ECH1: variants seen among roughly 807,000 people sequenced by gnomAD.
The protein encoded by ECH1 is enoyl-CoA hydratase 1.
A neutral mutation model predicts 37.0 loss-of-function variants in ECH1; 30 were observed. The ratio of observed to expected loss-of-function variants is 0.81; its 90% CI spans 0.61 to 1.10. The LOEUF is 1.10. ECH1 is among the 50% of genes least tolerant of loss of function. The pLI is 0.00. For synonymous variants in ECH1, 178 were observed against 176.0 expected (o/e 1.01, Z -0.09); for missense variants, 456 against 441.6 (o/e 1.03, Z -0.29).
At position 38,816,545 on chromosome 19, in the gene ECH1, T is replaced by C. The variant is rs750608296; in HGVS notation, c.589-22A>G. The C allele has an allele frequency of 1.2e-5, 19 of 1,613,610 alleles. No homozygotes were observed. In the South Asian group the frequency reaches 2.1e-4, roughly 18 times the overall value. On this transcript the variant is annotated intron_variant, in intron 6 of 9. Transcript: ENST00000221418. ...CCTCCTGGGGGAGGAATCGGGTCAGTGTTTGGTTTCTGCCCAATACTGTGC... is the reference window on the plus strand; with the variant it reads ...CCTCCTGGGGGAGGAATCGGGTCAGCGTTTGGTTTCTGCCCAATACTGTGC...
intron 3 of ECH1, among the ~76,000 whole-genome samples, chr19:38,821,771 GCCTCCCCCCGCCGCCGT>G (rs1971666230): frequency 6.6e-6 from 1 of 152,156 alleles, no homozygotes; most frequent in Non-Finnish European, 1.5e-5. Context: ...CCATGCCCGA[GCCTCCCCCCGCCGCCGT>G]GGGCTCCTGC....
intron 3 of ECH1, among the ~76,000 whole-genome samples, chr19:38,828,240 C>CT (rs946659253): frequency 4.0e-5 from 6 of 151,886 alleles, no homozygotes; most frequent in African/African-American, 7.3e-5. Context: ...AAGCCGTTTT[C>CT]TTTTTTTTGA....
intron 3 of ECH1, chr19:38,819,362 G>A (rs1971628393): frequency 4.3e-6 from 2 of 463,044 alleles, no homozygotes; most frequent in Non-Finnish European, 5.7e-6. Context: ...ACCTCCTAGA[G>A]AGGCCCTCCC....
intron 8 of ECH1, 65 bp downstream of exon 8, chr19:38,816,219 G>A: frequency 1.3e-6 from 2 of 1,586,814 alleles, no homozygotes; most frequent in South Asian, 1.1e-5. Flanking sequence ...AGGGGACCCG[G>A]AGAGGCCTCC....
intron 3 of ECH1, chr19:38,819,190 G>T (rs1057208038): frequency 2.1e-5 from 21 of 985,302 alleles, no homozygotes; most frequent in Non-Finnish European, 1.2e-6. Context: ...CACTGCCTGA[G>T]GGCTGTGCAG....
chr19:38,816,202 G>C (rs1971572700), intron 8 of ECH1, 82 bp downstream of exon 8: 2 of 1,552,608 alleles, frequency 1.3e-6, no homozygotes, highest in Non-Finnish European at 1.7e-6. Context: ...TCTAGAGCGA[G>C]GAGACAAGGG....
chr19:38,821,572 G>C (rs149775416), intron 3 of ECH1, among the ~76,000 whole-genome samples: 3 of 152,166 alleles, frequency 2.0e-5, no homozygotes, highest in African/African-American at 7.2e-5. Flanking sequence ...GTGTGAGCTC[G>C]GCGACCCCGC....
chr19:38,823,363 C>T lies in ECH1; in HGVS notation c.350-5788G>A, dbSNP rs59983525. ...GCCAAGCGGTGAGACCACTGCCTAT[C>T]GCTGAGCGGTGAGACTATCACCTAT... On this transcript the variant is annotated intron_variant, in intron 3 of 9. Coordinates refer to ENST00000221418, the MANE Select transcript of ECH1 (RefSeq NM_001398.3). 8.5e-3 allele frequency: 1,299 copies of T among 153,388 alleles called. 39 individuals are homozygous for T. In the East Asian group the frequency reaches 0.095, roughly 11 times the overall value. The allele number at this position is 153,388 out of a possible 1,614,324, so 9.5% of individuals were successfully genotyped here.
In ECH1 at chr19:38,831,296, C is replaced by A. The variant is rs1367318652; in HGVS notation, c.260+13G>T. ...CCCCCCGCAGGCAGGCCTCCAGGAT[C>A]TGCAGGTCAGACCTCCAGAAGACCT... On this transcript the variant is annotated intron_variant, in intron 2 of 9. Transcript: ENST00000221418. 2 of 1,608,162 alleles carry A rather than the reference C, an allele frequency of 1.2e-6. No homozygotes were observed. Among genetic ancestry groups the A allele is most frequent in the South Asian group, 2.2e-5 (2 of 90,618 alleles).
intron 3 of ECH1, among the ~76,000 whole-genome samples, chr19:38,828,833 G>A (rs927066178): frequency 2.7e-5 from 4 of 150,836 alleles, no homozygotes; most frequent in African/African-American, 9.7e-5. Context: ...ATGTTAGCCA[G>A]GATGGTCTCG....
chr19:38,822,598 G>A (rs1043734171), intron 3 of ECH1, among the ~76,000 whole-genome samples: 5 of 151,922 alleles, frequency 3.3e-5, no homozygotes, highest in Non-Finnish European at 4.4e-5. Context: ...TCAGCACCCT[G>A]TGTCTAGCTC....
intron 3 of ECH1, among the ~76,000 whole-genome samples, chr19:38,829,287 A>G (rs1196844819): frequency 2.9e-5 from 1 of 34,892 alleles, no homozygotes; most frequent in Non-Finnish European, 7.1e-5. Context: ...TCCTTCTCCA[A>G]AAAAAAAAAA....
chr19:38,822,133 G>C (rs975757791), intron 3 of ECH1, among the ~76,000 whole-genome samples: 1 of 152,076 alleles, frequency 6.6e-6, no homozygotes, highest in Non-Finnish European at 1.5e-5. Flanking sequence ...TCTAGCTCAA[G>C]GTTTGTAAAT....
chr19:38,827,737 G>A (rs1333346726), intron 3 of ECH1, among the ~76,000 whole-genome samples: 1 of 152,154 alleles, frequency 6.6e-6, no homozygotes, highest in Non-Finnish European at 1.5e-5. Flanking sequence ...CACGACCACA[G>A]CTCACTGCAG....
chr19:38,819,554 G>C (rs1182982117), intron 3 of ECH1, among the ~76,000 whole-genome samples: 1 of 151,824 alleles, frequency 6.6e-6, no homozygotes, highest in Non-Finnish European at 1.5e-5. Flanking sequence ...GCATCCCCTG[G>C]GCCTAGCACA....
In ECH1 at chr19:38,816,012, A is replaced by G; in HGVS notation, c.732-5T>C. On this transcript the variant is annotated splice_polypyrimidine_tract_variant and splice_region_variant and intron_variant, in intron 8 of 9. Coordinates refer to ENST00000221418, the MANE Select transcript of ECH1 (RefSeq NM_001398.3). ...TCTTTGTCTGGGAACACCCGGCTGC[A>G]GTGAAAGAGATCAGGGACCGGGTGG... is the stretch of plus-strand genomic sequence containing the variant. The G allele has an allele frequency of 1.2e-6, 2 of 1,611,276 alleles. No homozygotes were observed. Among genetic ancestry groups the G allele is most frequent in the South Asian group, 1.1e-5 (1 of 90,990 alleles).
At chr19:38,820,696 G>A (rs962843977) in intron 3 of ECH1, among the ~76,000 whole-genome samples, 5 of 152,128 alleles carry the variant, frequency 3.3e-5, no homozygotes, top group Non-Finnish European at 7.3e-5. Flanking sequence ...ATGACCTGCC[G>A]TTTCTTCCTT....
chr19:38,819,008 T>TGTGTGTGTGTGTGCGCGC (rs371773394), intron 3 of ECH1: 20 of 324,380 alleles, frequency 6.2e-5, no homozygotes, highest in African/African-American at 4.5e-4. Context: ...TGTGTGTGTG[T>TGTGTGTGTGTGTGCGCGC]GCGGGCACGT....
At chr19:38,820,052 A>AAAT in intron 3 of ECH1, 3 of 215,298 alleles carry the variant, frequency 1.4e-5, no homozygotes, top group Non-Finnish European at 1.9e-5. Flanking sequence ...AGTCCCCCTT[A>AAAT]CTTTTTTTTT....
Sources: allele counts gnomAD v4.1 joint callset (sites outside exome capture counted in the v4.1 genomes callset), GRCh38; gene constraint gnomAD v4.1.1; transcripts MANE v1.5; gene names NCBI Gene and HGNC (gene_info 2026-07-23, HGNC 2026-07-21).